Variants in LIN7C observed in about 807,000 individuals in gnomAD.
The protein encoded by LIN7C is lin-7 cell polarity scaffold C, also known as protein lin-7 homolog C.
Under a neutral mutation model 24.7 loss-of-function variants are expected in LIN7C, and 17 were observed. The ratio of observed to expected loss-of-function variants is 0.69; its 90% CI spans 0.47 to 1.03. The LOEUF is 1.03. LIN7C is among the 50% of genes least tolerant of loss of function. The probability of loss-of-function intolerance (pLI) is 0.00; values close to 1 mark genes in which losing one functional copy is unlikely to be tolerated. For synonymous variants in LIN7C, 90 were observed against 83.4 expected, an observed-to-expected ratio of 1.08 and a Z score of -0.43; for missense variants, 204 against 239.0, an observed-to-expected ratio of 0.85 and a Z score of 0.97.
At chr11:27,499,237 C>A in intron 4 of LIN7C, 122 bp downstream of exon 4, 1 of 718,298 alleles carries the variant, frequency 1.4e-6, no homozygotes, top group Non-Finnish European at 2.3e-6. Flanking sequence ...ATTAATAGTA[C>A]TGCCTAGGAT....
At chr11:27,501,615 T>TGGGAA in intron 2 of LIN7C, 49 bp from the exon 3 acceptor site, 1 of 302,684 alleles carries the variant, frequency 3.3e-6, no homozygotes, top group Non-Finnish European at 5.6e-6. Flanking sequence ...TTGAGTTCTC[T>TGGGAA]GTGAAGTTAA....
rs369216886 is a variant in LIN7C, at chr11:27,499,442, T to C, written c.355A>G (p.Ile119Val). ...ATTCCACCTGGAATTATTCGGGATA[T>C]ATAGATTGGAGAGTTTTGTTCTTTG... ...GGKEQNSPIY[I>V]SRIIPGGIAD... Residue 119 changes from isoleucine to valine, a missense_variant, in exon 4 of 5, where the codon ATA becomes GTA. By Grantham distance (29) the Ile-to-Val change is conservative. Around this residue, in one of 3 missense-constraint regions of LIN7C, gnomAD observed 74 missense variants for 99.6 expected, o/e 0.74. Coordinates refer to ENST00000278193, the MANE Select transcript of LIN7C (RefSeq NM_018362.4). 25 of 1,614,026 alleles carry C rather than the reference T, an allele frequency of 1.5e-5. No homozygotes were observed. Among genetic ancestry groups the C allele is most frequent in the East Asian group, 2.2e-5 (1 of 44,884 alleles).
At chr11:27,500,206 A>G (rs1865210226) in intron 3 of LIN7C, among the ~76,000 whole-genome samples, 1 of 152,094 alleles carries the variant, frequency 6.6e-6, no homozygotes, top group South Asian at 2.1e-4. Flanking sequence ...GGTAAGGAGG[A>G]AAACCCCTTC....
chr11:27,505,068 C>CA (rs1307111392), intron 1 of LIN7C, among the ~76,000 whole-genome samples: 1 of 152,258 alleles, frequency 6.6e-6, no homozygotes, highest in Non-Finnish European at 1.5e-5. Flanking sequence ...TGCAGTGGCT[C>CA]ACGCCTGTAA....
Position 27,494,542 on chromosome 11 carries a change from T to C in LIN7C, c.*4107A>G, listed in dbSNP as rs896112016. On this transcript the variant is annotated 3_prime_UTR_variant, in exon 5 of 5. Transcript: ENST00000278193. ...ATAAACGTTATCTATTGTGTAGTTA[T>C]ATCAACTTTTTTCAAATCCAAAGAA... 1.3e-5 allele frequency: 2 copies of C among 152,264 alleles called. No individual in the cohort carries two copies. Among genetic ancestry groups the C allele is most frequent in the South Asian group, 4.1e-4 (2 of 4,832 alleles). The allele number at this position is 152,264 out of a possible 1,614,324, so 9.4% of individuals were successfully genotyped here. A position where few individuals can be genotyped will look rare whatever the true frequency, so the allele number is the denominator to read the frequency against.
chr11:27,503,135 A>AAAAC (rs534638469), intron 1 of LIN7C, among the ~76,000 whole-genome samples: 26 of 152,040 alleles, frequency 1.7e-4, no homozygotes, highest in African/African-American at 5.8e-4. Flanking sequence ...AAACAAAACA[A>AAAAC]AAACAAACAA....
At chr11:27,504,276 TTATAA>T (rs1212521282) in intron 1 of LIN7C, among the ~76,000 whole-genome samples, 19 of 152,158 alleles carry the variant, frequency 1.2e-4, no homozygotes, top group African/African-American at 4.3e-4. Flanking sequence ...ATTTATAAAG[TTATAA>T]TATATAAGCC....
chr11:27,505,550 G>C (rs1365167155), intron 1 of LIN7C, among the ~76,000 whole-genome samples: 1 of 152,180 alleles, frequency 6.6e-6, no homozygotes, highest in Non-Finnish European at 1.5e-5. Flanking sequence ...AGGCTTAACG[G>C]AAACAATCTC....
chr11:27,501,555 A>G lies in LIN7C; in HGVS notation c.168T>C (p.His56=), dbSNP rs200200710. 7 of 1,599,126 alleles carry G rather than the reference A, an allele frequency of 4.4e-6. No individual in the cohort carries two copies. In the African/African-American group the frequency reaches 8.1e-5, roughly 18 times the overall value. ...TACTGATGTCCACAGTCTCATAGAC[A>G]TGTTCATATACCTGTAAAAGCCAAA... The part of the protein sequence containing the change: ...FCNAVREVYE[H]VYETVDISSS... The change falls in exon 3 of 5, where the codon CAT becomes CAC. Residue 56 remains histidine (H), a synonymous_variant. Transcript: ENST00000278193.
rs931370143 is a variant in LIN7C at position 27,496,431 on chromosome 11, A to T, written c.*2218T>A. 4 of 152,186 alleles carry T rather than the reference A, an allele frequency of 2.6e-5. No individual in the cohort carries two copies. The highest frequency in any genetic ancestry group is 9.7e-5 in the African/African-American group (4 of 41,438). The allele number at this position is 152,186 out of a possible 1,614,324, so 9.4% of individuals were successfully genotyped here. ...ATTCCCATCATTTCCTCACTGCACT[A>T]AACCACCACTGTACATCTTTGCCAA... On this transcript the variant is annotated 3_prime_UTR_variant, in exon 5 of 5. Transcript: ENST00000278193.
chr11:27,504,815 T>C (rs1865257728), intron 1 of LIN7C, among the ~76,000 whole-genome samples: 1 of 152,216 alleles, frequency 6.6e-6, no homozygotes, highest in African/African-American at 2.4e-5. Context: ...GAAAAAAATG[T>C]CTGTACATGT....
intron 1 of LIN7C, among the ~76,000 whole-genome samples, chr11:27,504,646 G>C (rs1865255619): frequency 6.6e-6 from 1 of 152,166 alleles, no homozygotes; most frequent in African/African-American, 2.4e-5. Flanking sequence ...CAGATATCAA[G>C]ATCTGCAGAT....
chr11:27,497,820 T>A lies in LIN7C; in HGVS notation c.*829A>T, dbSNP rs1291814990. 6.6e-6 allele frequency: 1 copy of A among 152,202 alleles called. No homozygotes were observed. Among genetic ancestry groups the A allele is most frequent in the Non-Finnish European group, 1.5e-5 (1 of 67,944 alleles). 9.4% of individuals were successfully genotyped at this position (152,202 alleles called of 1,614,324 possible). A position where few individuals can be genotyped will look rare whatever the true frequency, so the allele number is the denominator to read the frequency against. ...TACTGTGCATTTAAATAAAAATGAATAGTATTTAAAAGAAATCACAAAAGA... is the reference window on the plus strand; with the variant it reads ...TACTGTGCATTTAAATAAAAATGAAAAGTATTTAAAAGAAATCACAAAAGA... On this transcript the variant is annotated 3_prime_UTR_variant, in exon 5 of 5. Transcript: ENST00000278193.
chr11:27,498,030 C>G lies in LIN7C; in HGVS notation c.*619G>C, dbSNP rs1009969813. ...TCATAAATCAGTATAAATGAATATC[C>G]ATTATATATTATGTTTAAGTAAAAG... On this transcript the variant is annotated 3_prime_UTR_variant, in exon 5 of 5. Coordinates refer to ENST00000278193, the MANE Select transcript of LIN7C (RefSeq NM_018362.4). 1 of 151,800 alleles carries G rather than the reference C, an allele frequency of 6.6e-6. No individual in the cohort carries two copies. Among genetic ancestry groups the G allele is most frequent in the African/African-American group, 2.4e-5 (1 of 41,322 alleles). The allele number at this position is 151,800 out of a possible 1,614,324, so 9.4% of individuals were successfully genotyped here.
intron 3 of LIN7C, 96 bp from the exon 4 acceptor site, chr11:27,499,664 A>G (rs1024732265): frequency 1.8e-6 from 2 of 1,127,452 alleles, no homozygotes; most frequent in Non-Finnish European, 2.6e-6. Context: ...GCTCTGTCGC[A>G]CAGGCTGGAG....
At chr11:27,498,855 G>T in intron 4 of LIN7C, 51 bp from the exon 5 acceptor site, 1 of 1,526,960 alleles carries the variant, frequency 6.5e-7, no homozygotes, top group Non-Finnish European at 8.9e-7. Flanking sequence ...AGTTTTGAAA[G>T]TAACTCAAAA....
chr11:27,498,797 T>A lies in LIN7C; in HGVS notation c.446A>T (p.Glu149Val). ...TACAGCTTTTTCATGATGTTCTCCTTCAACACTCTAGGGGAAAAAAAAACA... is the reference window on the plus strand; with the variant it reads ...TACAGCTTTTTCATGATGTTCTCCTACAACACTCTAGGGGAAAAAAAAACA... Reference protein sequence around the residue: ...QLLSVNGVSVEGEHHEKAVEL... With the variant: ...QLLSVNGVSVVGEHHEKAVEL... The change falls in exon 5 of 5, where the codon GAA (glutamate) becomes GTA (valine). Residue 149 changes from glutamate to valine, a missense_variant. This residue lies in a region of LIN7C where 74 missense variants were observed against 99.6 expected (regional missense o/e 0.74). Coordinates refer to ENST00000278193, the MANE Select transcript of LIN7C (RefSeq NM_018362.4). 1 of 1,613,422 alleles carries A rather than the reference T, an allele frequency of 6.2e-7. No homozygotes were observed. Among genetic ancestry groups the A allele is most frequent in the Non-Finnish European group, 8.5e-7 (1 of 1,179,732 alleles).
intron 3 of LIN7C, among the ~76,000 whole-genome samples, 193 bp from the exon 4 acceptor site, chr11:27,499,761 T>C (rs1865204566): frequency 1.3e-5 from 2 of 152,084 alleles, no homozygotes; most frequent in South Asian, 4.1e-4. Context: ...TAGCTGAGAC[T>C]ACAGGCGCCT....
chr11:27,501,522 A>G lies in LIN7C; in HGVS notation c.201T>C (p.Pro67=), dbSNP rs756234972. ...TTGCAGTAGCGTTCGCTCTCACTTC[A>G]GGACTGCTACTGATGTCCACAGTCT... ...VYETVDISSS[P]EVRANATAKA... The change falls in exon 3 of 5, where the codon CCT becomes CCC. Residue 67 remains proline (P), a synonymous_variant. Transcript: ENST00000278193. The G allele has an allele frequency of 6.3e-7, 1 of 1,595,776 alleles. No individual in the cohort carries two copies. Among genetic ancestry groups the G allele is most frequent in the Admixed American group, 1.8e-5 (1 of 55,648 alleles).
Sources: allele counts gnomAD v4.1 joint callset (sites outside exome capture counted in the v4.1 genomes callset), GRCh38; gene constraint gnomAD v4.1.1; regional missense constraint gnomAD v4.1.1; transcripts MANE v1.5; gene names NCBI Gene and HGNC (gene_info 2026-07-23, HGNC 2026-07-21).